Variants in ROBO1 observed in about 807,000 individuals in gnomAD.
ROBO1 encodes roundabout guidance receptor 1, also known as roundabout homolog 1.
ROBO1 carries 149 observed loss-of-function variants against 195.9 expected under a neutral mutation model. That is an observed-to-expected ratio of 0.76 (90% confidence interval 0.67 to 0.87). ROBO1 has a LOEUF of 0.87. Among genes scored for constraint, ROBO1 ranks in the 40% least tolerant of loss-of-function variants. ROBO1 has a pLI of 0.00. For synonymous variants in ROBO1, 816 were observed against 733.2 expected (o/e 1.11, Z -1.82); for missense variants, 1,933 against 2,068.3 (o/e 0.93, Z 1.27).
At chr3:79,129,854 T>C (rs898663174) in intron 2 of ROBO1, among the ~76,000 whole-genome samples, 10 of 150,054 alleles carry the variant, frequency 6.7e-5, no homozygotes, top group African/African-American at 2.5e-5. Context: ...AATTGATTTT[T>C]GTATAAGGTG....
intron 2 of ROBO1, among the ~76,000 whole-genome samples, chr3:79,173,114 A>G (rs768759205): frequency 2.6e-5 from 4 of 152,170 alleles, no homozygotes; most frequent in Non-Finnish European, 5.9e-5. Context: ...AATAAATACC[A>G]GTCCACATCA....
In ROBO1 at chr3:79,467,951, G is replaced by A. The variant is rs758585298; in HGVS notation, c.88+121873C>T. ...CACCCCTGTGGCATATCCTGTGAGCGGAGGTTAGGGAACTCTCCCATCTCA... is the reference window on the plus strand; with the variant it reads ...CACCCCTGTGGCATATCCTGTGAGCAGAGGTTAGGGAACTCTCCCATCTCA... On this transcript the variant is annotated intron_variant, in intron 2 of 30. Transcript: ENST00000464233. 5.3e-4 allele frequency among the ~76,000 whole-genome samples: 80 copies of A among 152,254 alleles called. No individual in the cohort carries two copies. The Middle Eastern group carries it at 0.01, about 19-fold the overall frequency.
intron 1 of ROBO1, among the ~76,000 whole-genome samples, chr3:79,602,676 C>T (rs964802745): frequency 6.6e-6 from 1 of 151,900 alleles, no homozygotes; most frequent in African/African-American, 2.4e-5. Context: ...TTGACTAATG[C>T]AATTTTACCA....
At chr3:78,735,497 T>A (rs1576049633) in intron 5 of ROBO1, among the ~76,000 whole-genome samples, 2 of 152,212 alleles carry the variant, frequency 1.3e-5, no homozygotes, top group East Asian at 3.9e-4. Context: ...ATTTTCTTTT[T>A]TGAATGAGAT....
At chr3:79,216,409 T>TA (rs1031474914) in intron 2 of ROBO1, among the ~76,000 whole-genome samples, 5 of 152,074 alleles carry the variant, frequency 3.3e-5, no homozygotes, top group Admixed American at 6.6e-5. Flanking sequence ...TGGATTTTCA[T>TA]AAAAAATTGG....
intron 4 of ROBO1, among the ~76,000 whole-genome samples, chr3:78,877,645 T>C (rs2035935388): frequency 6.6e-6 from 1 of 152,220 alleles, no homozygotes; most frequent in Non-Finnish European, 1.5e-5. Flanking sequence ...AACTAGATTT[T>C]TAATTTTAGT....
intron 4 of ROBO1, among the ~76,000 whole-genome samples, chr3:78,829,345 T>C (rs2031935784): frequency 6.6e-6 from 1 of 152,232 alleles, no homozygotes; most frequent in Non-Finnish European, 1.5e-5. Flanking sequence ...TTAATATATT[T>C]GGAAAACAAA....
chr3:79,142,881 AT>A (rs1335448517), intron 2 of ROBO1, among the ~76,000 whole-genome samples: 1 of 152,112 alleles, frequency 6.6e-6, no homozygotes, highest in African/African-American at 2.4e-5. Context: ...TTTTAAGGAA[AT>A]ATTATAGAAA....
At chr3:79,406,253 A>T (rs1020045340) in intron 2 of ROBO1, among the ~76,000 whole-genome samples, 1 of 151,634 alleles carries the variant, frequency 6.6e-6, no homozygotes, top group Admixed American at 6.6e-5. Context: ...AATCTCAAAA[A>T]AAAAAAAAAT....
intron 4 of ROBO1, among the ~76,000 whole-genome samples, chr3:78,913,890 CG>C (rs2038401879): frequency 1.3e-5 from 2 of 152,142 alleles, no homozygotes; most frequent in Admixed American, 6.6e-5. Context: ...TAGAGAGGGT[CG>C]TATTTCCCTA....
At chr3:78,666,056 G>C (rs1707716039) in intron 14 of ROBO1, among the ~76,000 whole-genome samples, 1 of 152,008 alleles carries the variant, frequency 6.6e-6, no homozygotes, top group East Asian at 1.9e-4. Flanking sequence ...TAGTGAGTGA[G>C]TTCTCAGGAG....
chr3:78,967,228 G>A (rs898476786), intron 3 of ROBO1, among the ~76,000 whole-genome samples: 2 of 152,074 alleles, frequency 1.3e-5, no homozygotes, highest in South Asian at 2.1e-4. Flanking sequence ...TGCTTCCCTC[G>A]GCAAGGGAAA....
intron 4 of ROBO1, among the ~76,000 whole-genome samples, chr3:78,925,831 C>G (rs1014218012): frequency 6.6e-6 from 1 of 151,426 alleles, no homozygotes; most frequent in Admixed American, 6.6e-5. Flanking sequence ...AGAAAAAGAG[C>G]CCAGGTGGAA....
At chr3:78,836,681 A>G (rs955202748) in intron 4 of ROBO1, among the ~76,000 whole-genome samples, 4 of 152,130 alleles carry the variant, frequency 2.6e-5, no homozygotes, top group African/African-American at 9.6e-5. Context: ...ATTAATTTGT[A>G]TAAGGTGGTC....
intron 2 of ROBO1, among the ~76,000 whole-genome samples, chr3:79,305,253 G>A (rs939255826): frequency 5.3e-5 from 8 of 152,046 alleles, no homozygotes; most frequent in South Asian, 2.1e-4. Context: ...TTGAGAGGCC[G>A]AGGCAGGTGG....
At chr3:78,962,420 A>G (rs1369688577) in intron 3 of ROBO1, among the ~76,000 whole-genome samples, 6 of 152,162 alleles carry the variant, frequency 3.9e-5, no homozygotes, top group African/African-American at 1.4e-4. Flanking sequence ...CTTGCACAAT[A>G]TTTCCCTAAT....
intron 1 of ROBO1, among the ~76,000 whole-genome samples, chr3:79,767,217 T>G (rs1705046163): frequency 6.6e-6 from 1 of 152,152 alleles, no homozygotes; most frequent in Non-Finnish European, 1.5e-5. Context: ...AGCCTGCCCG[T>G]GTCTATGCCT....
intron 3 of ROBO1, among the ~76,000 whole-genome samples, chr3:79,082,250 C>G (rs576790016): frequency 4.9e-4 from 75 of 152,196 alleles, no homozygotes; most frequent in African/African-American, 1.8e-3. Context: ...CCTGGCTTGA[C>G]TAAATTTACA....
intron 4 of ROBO1, among the ~76,000 whole-genome samples, chr3:78,929,738 C>T (rs2039408645): frequency 6.6e-6 from 1 of 151,926 alleles, no homozygotes. Context: ...TCCTGAGCCA[C>T]AAGCCATCTG....
Sources: gnomAD v4.1 joint callset for allele counts (sites outside exome capture counted in the v4.1 genomes callset) on GRCh38, gnomAD v4.1.1 for gene constraint, MANE v1.5 for transcripts, NCBI Gene and HGNC (gene_info 2026-07-23, HGNC 2026-07-21) for gene names.